The following WASF1 variants were observed in gnomAD, a reference collection of about 807,000 sequenced individuals.
WASF1 encodes WASP family member 1.
In WASF1, 7 loss-of-function variants were observed where a neutral mutation model predicts 50.5. The ratio of observed to expected loss-of-function variants is 0.14; its 90% CI spans 0.08 to 0.26. The LOEUF (loss-of-function observed/expected upper bound fraction) is 0.26, where lower values mean the gene tolerates loss of function less well. Ranked by LOEUF, WASF1 falls within the 10% of genes least tolerant of loss-of-function variation. WASF1 has a pLI of 1.00. For missense variants in WASF1, 470 were observed against 694.7 expected (o/e 0.68, Z 3.64); for synonymous variants, 205 against 244.0 (o/e 0.84, Z 1.49).
At chr6:110,170,641 C>T (rs1440892758) in intron 2 of WASF1, among the ~76,000 whole-genome samples, 1 of 150,706 alleles carries the variant, frequency 6.6e-6, no homozygotes, top group East Asian at 1.9e-4. Context: ...TCTAAATATG[C>T]CAATTAAAAG....
intron 5 of WASF1, among the ~76,000 whole-genome samples, chr6:110,109,733 T>A (rs547505848): frequency 1.2e-4 from 18 of 150,336 alleles, no homozygotes; most frequent in South Asian, 8.4e-4. Context: ...TTTTTTTTTT[T>A]AAATTTTTAG....
chr6:110,129,517 A>G (rs894822914), intron 3 of WASF1, among the ~76,000 whole-genome samples: 2 of 152,212 alleles, frequency 1.3e-5, no homozygotes, highest in Non-Finnish European at 2.9e-5. Context: ...GTTCCAAAGG[A>G]AGTGACACTA....
At chr6:110,134,421 CCTTTTTTTTTTT>C (rs1162042902) in intron 3 of WASF1, among the ~76,000 whole-genome samples, 4 of 145,782 alleles carry the variant, frequency 2.7e-5, no homozygotes, top group African/African-American at 1.0e-4. Context: ...TTCTATGTGC[CCTTTTTTTTTTT>C]CTTTTTTGGA....
chr6:110,113,873 A>AATCT (rs139250775), intron 4 of WASF1, among the ~76,000 whole-genome samples: 30,983 of 151,946 alleles, frequency 0.2, 4,328 homozygotes, highest in African/African-American at 0.4. Context: ...AATATACAGA[A>AATCT]ATTATAAAAA....
intron 3 of WASF1, among the ~76,000 whole-genome samples, chr6:110,158,341 C>T (rs1460623888): frequency 7.3e-5 from 8 of 109,520 alleles, no homozygotes; most frequent in African/African-American, 3.2e-4. Flanking sequence ...AGTTTATTTG[C>T]GTAGAGGTGT....
At chr6:110,167,073 A>G (rs1295173258) in intron 2 of WASF1, among the ~76,000 whole-genome samples, 1 of 151,898 alleles carries the variant, frequency 6.6e-6, no homozygotes, top group African/African-American at 2.4e-5. Flanking sequence ...GTAACACTGT[A>G]GCCATCATGC....
At chr6:110,175,315 C>T (rs1272426196) in intron 2 of WASF1, among the ~76,000 whole-genome samples, 4 of 152,074 alleles carry the variant, frequency 2.6e-5, no homozygotes, top group Non-Finnish European at 5.9e-5. Flanking sequence ...AATCCTGTTT[C>T]TTGACAGTGC....
intron 3 of WASF1, among the ~76,000 whole-genome samples, chr6:110,146,036 G>A: frequency 6.6e-6 from 1 of 151,882 alleles, no homozygotes; most frequent in Non-Finnish European, 1.5e-5. Flanking sequence ...AATGCTAAAT[G>A]ACGAGTTAAT....
intron 2 of WASF1, among the ~76,000 whole-genome samples, chr6:110,171,979 T>C (rs1416902554): frequency 6.6e-6 from 1 of 152,056 alleles, no homozygotes; most frequent in East Asian, 1.9e-4. Flanking sequence ...AAAACCACAA[T>C]GAGATATCAT....
At chr6:110,154,814 T>TA (rs535278507) in intron 3 of WASF1, among the ~76,000 whole-genome samples, 85 of 152,002 alleles carry the variant, frequency 5.6e-4, no homozygotes, top group South Asian at 3.9e-3. Context: ...TTTATTGTAC[T>TA]AAAAAAAATC....
chr6:110,113,826 T>C (rs1311201922), intron 4 of WASF1, among the ~76,000 whole-genome samples: 3 of 152,138 alleles, frequency 2.0e-5, no homozygotes, highest in Non-Finnish European at 4.4e-5. Flanking sequence ...ATAAAATCTA[T>C]GTAAATACTA....
rs923666101 is a variant in WASF1 at position 110,170,782 on chromosome 6, C to A, written c.-127+7816G>T. Among the ~76,000 whole-genome samples the A allele has an allele frequency of 3.3e-5, 5 of 151,806 alleles. 1 individual carries two copies. The highest frequency in any genetic ancestry group is 3.3e-4 in the Admixed American group (5 of 15,240). Reference sequence around the variant, plus strand: ...TATACCATGCTAACACGAGTCAAAACAAATCTGAAGTAGCTGTATCAATTT... The same window carrying A: ...TATACCATGCTAACACGAGTCAAAAAAAATCTGAAGTAGCTGTATCAATTT... On this transcript the variant is annotated intron_variant, in intron 2 of 10. Coordinates refer to ENST00000392589, the MANE Select transcript of WASF1 (RefSeq NM_003931.3).
intron 4 of WASF1, among the ~76,000 whole-genome samples, chr6:110,115,145 AAATT>A (rs937862941): frequency 1.6e-4 from 25 of 151,940 alleles, no homozygotes; most frequent in Non-Finnish European, 3.5e-4. Flanking sequence ...AAAAAGAAAA[AAATT>A]GAGTAGAAAC....
intron 3 of WASF1, among the ~76,000 whole-genome samples, chr6:110,154,712 T>G (rs555611198): frequency 1.3e-5 from 2 of 152,056 alleles, no homozygotes; most frequent in Non-Finnish European, 2.9e-5. Flanking sequence ...TATTTTACTT[T>G]ATATAGGAAC....
At chr6:110,146,902 G>T (rs1304704326) in intron 3 of WASF1, among the ~76,000 whole-genome samples, 1 of 151,966 alleles carries the variant, frequency 6.6e-6, no homozygotes, top group African/African-American at 2.4e-5. Flanking sequence ...ATAGGAAAAT[G>T]ACAAAACCAA....
intron 2 of WASF1, among the ~76,000 whole-genome samples, chr6:110,165,128 T>C (rs897285508): frequency 4.0e-5 from 6 of 151,572 alleles, no homozygotes; most frequent in Non-Finnish European, 4.4e-5. Context: ...AAATTACACA[T>C]TTCTCGTATC....
At position 110,102,046 on chromosome 6, in the gene WASF1, G is replaced by A; in HGVS notation, c.1064C>T (p.Pro355Leu). 2.6e-6 allele frequency: 4 copies of A among 1,530,666 alleles called. No homozygotes were observed. Among genetic ancestry groups the A allele is most frequent in the Non-Finnish European group, 3.5e-6 (4 of 1,140,158 alleles). 94.8% of individuals were successfully genotyped at this position (1,530,666 alleles called of 1,614,324 possible). The part of the protein sequence containing the change: ...TSTPPPPVPP[P>L]PPPPATALQA... ...CAAAGCAGTGGCTGGAGGTGGAGGT[G>A]GGGGAGGTACTGGAGGGGGAGGAGT... is the stretch of plus-strand genomic sequence containing the variant. Residue 355 changes from proline to leucine, a missense_variant, in exon 10 of 11, where the codon CCA (proline) becomes CTA (leucine). This residue lies in a region of WASF1 where 294 missense variants were observed against 343.5 expected (regional missense o/e 0.86). Transcript: ENST00000392589.
intron 3 of WASF1, among the ~76,000 whole-genome samples, chr6:110,152,678 G>A (rs1371516354): frequency 6.6e-6 from 1 of 152,154 alleles, no homozygotes; most frequent in Non-Finnish European, 1.5e-5. Flanking sequence ...TCCCTATGCA[G>A]AGAATCCAGC....
At chr6:110,162,633 C>T (rs1230998591) in intron 2 of WASF1, among the ~76,000 whole-genome samples, 9 of 151,290 alleles carry the variant, frequency 5.9e-5, no homozygotes, top group Non-Finnish European at 1.3e-4. Context: ...CATAATTTAT[C>T]GTATCAACAG....
Sources: allele counts gnomAD v4.1 joint callset (sites outside exome capture counted in the v4.1 genomes callset), GRCh38; gene constraint gnomAD v4.1.1; regional missense constraint gnomAD v4.1.1; transcripts MANE v1.5; gene names NCBI Gene and HGNC (gene_info 2026-07-23, HGNC 2026-07-21).